The following CTNNA2 variants were observed in gnomAD, a reference collection of about 807,000 sequenced individuals.
CTNNA2 encodes the protein catenin alpha-2.
A neutral mutation model predicts 101.0 loss-of-function variants in CTNNA2; 42 were observed. The observed-to-expected ratio is 0.42, with a 90% CI of 0.32 to 0.54. The LOEUF (loss-of-function observed/expected upper bound fraction) is 0.54, where lower values mean the gene tolerates loss of function less well. CTNNA2 is among the 20% of genes least tolerant of loss of function. CTNNA2 has a pLI of 0.14. For synonymous variants in CTNNA2, 450 were observed against 456.4 expected (o/e 0.99, Z 0.18); for missense variants, 871 against 1,223.1 (o/e 0.71, Z 4.29).
intron 7 of CTNNA2, among the ~76,000 whole-genome samples, chr2:80,132,362 A>G (rs1304436259): frequency 2.0e-5 from 3 of 152,116 alleles, no homozygotes; most frequent in African/African-American, 4.8e-5. Context: ...TCTGTTTCAA[A>G]GTTTCTTTCA....
At chr2:79,485,687 G>T (rs78963765) in intron 4 of CTNNA2, among the ~76,000 whole-genome samples, 3,065 of 152,224 alleles carry the variant, frequency 0.02, 104 homozygotes, top group African/African-American at 0.07. Flanking sequence ...TTCATGCCTT[G>T]GTAGGTTGGA....
chr2:79,512,171 C>A (rs1671562557), upstream of CTNNA2, among the ~76,000 whole-genome samples: 1 of 152,106 alleles, frequency 6.6e-6, no homozygotes, highest in African/African-American at 2.4e-5. Flanking sequence ...CACTCCCTGC[C>A]CTAGCTATGT....
At chr2:79,890,976 T>G (rs1558617116) in intron 6 of CTNNA2, among the ~76,000 whole-genome samples, 1 of 149,448 alleles carries the variant, frequency 6.7e-6, no homozygotes, top group South Asian at 2.2e-4. Context: ...TCCCTCCAGA[T>G]ATAGTCACCC....
At chr2:79,671,460 A>C (rs1157909051) in intron 2 of CTNNA2, among the ~76,000 whole-genome samples, 1 of 152,086 alleles carries the variant, frequency 6.6e-6, no homozygotes, top group Non-Finnish European at 1.5e-5. Flanking sequence ...TCTTATCAAT[A>C]AAGCACATAG....
At chr2:79,817,316 C>CTTTTTTT (rs550422225) in intron 3 of CTNNA2, among the ~76,000 whole-genome samples, 1 of 73,846 alleles carries the variant, frequency 1.4e-5, no homozygotes, top group Non-Finnish European at 2.6e-5. Context: ...TTCTCTCTCA[C>CTTTTTTT]TTTTTTTTTT....
intron 7 of CTNNA2, among the ~76,000 whole-genome samples, chr2:80,027,102 G>A (rs925813172): frequency 2.0e-5 from 3 of 152,180 alleles, no homozygotes; most frequent in Non-Finnish European, 1.5e-5. Flanking sequence ...GACAATCAAA[G>A]CACAGTGATG....
chr2:80,232,345 GTTTTTTTTTTTTTTTTT>G (rs61454985), intron 7 of CTNNA2, among the ~76,000 whole-genome samples: 7 of 64,830 alleles, frequency 1.1e-4, no homozygotes, highest in East Asian at 6.8e-4. Flanking sequence ...TTGTTTGTTT[GTTTTTTTTTTTTTTTTT>G]TTTTTTTTTT....
chr2:79,793,477 A>G (rs1675443789), intron 3 of CTNNA2, among the ~76,000 whole-genome samples: 1 of 152,202 alleles, frequency 6.6e-6, no homozygotes, highest in Non-Finnish European at 1.5e-5. Context: ...AAGGAACCTG[A>G]ATCTTTTACT....
At chr2:80,259,374 C>G (rs1188050074) in intron 7 of CTNNA2, among the ~76,000 whole-genome samples, 1 of 152,156 alleles carries the variant, frequency 6.6e-6, no homozygotes, top group African/African-American at 2.4e-5. Context: ...ATCTGCAAGG[C>G]CAAACCTCCT....
At chr2:79,229,835 C>A (rs1405819755) in intron 2 of CTNNA2, among the ~76,000 whole-genome samples, 3 of 152,166 alleles carry the variant, frequency 2.0e-5, no homozygotes, top group Non-Finnish European at 2.9e-5. Context: ...AAATGAGGAA[C>A]TTGTTGGGAA....
chr2:80,599,881 G>A (rs11887328), intron 15 of CTNNA2, among the ~76,000 whole-genome samples: 1,749 of 150,588 alleles, frequency 0.012, 33 homozygotes, highest in African/African-American at 0.039. Flanking sequence ...CCATTAACTC[G>A]TCATTTAGCA....
At chr2:80,457,042 A>G (rs1684038349) in intron 9 of CTNNA2, among the ~76,000 whole-genome samples, 1 of 152,094 alleles carries the variant, frequency 6.6e-6, no homozygotes, top group Non-Finnish European at 1.5e-5. Context: ...TGATATGCCC[A>G]TTGCCCTGAT....
At position 79,725,312 on chromosome 2, in the gene CTNNA2, C is replaced by T. The variant is rs1295766641; in HGVS notation, c.103-19075C>T. On this transcript the variant is annotated intron_variant, in intron 2 of 18. Coordinates refer to ENST00000402739, the MANE Select transcript of CTNNA2 (RefSeq NM_001282597.3). ...CTACAAACCCTGGCTGCGCTACTGA[C>T]TTCTATGTGACTTTAAGCAAGAATT... Among the ~76,000 whole-genome samples, 4 of 152,312 alleles carry T rather than the reference C, an allele frequency of 2.6e-5. No homozygotes were observed. The East Asian group carries it at 7.7e-4, about 29-fold the overall frequency.
chr2:79,873,236 G>C (rs1481314102), intron 5 of CTNNA2, among the ~76,000 whole-genome samples: 1 of 151,998 alleles, frequency 6.6e-6, no homozygotes, highest in African/African-American at 2.4e-5. Context: ...CAGGTTTTCT[G>C]TCTGTTCATA....
chr2:80,150,978 G>T (rs150625633), intron 7 of CTNNA2, among the ~76,000 whole-genome samples: 1 of 152,190 alleles, frequency 6.6e-6, no homozygotes, highest in Non-Finnish European at 1.5e-5. Context: ...TGAAAGCTCA[G>T]CCTGTTGCCC....
At chr2:80,581,054 T>A in intron 13 of CTNNA2, among the ~76,000 whole-genome samples, 1 of 152,222 alleles carries the variant, frequency 6.6e-6, no homozygotes. Flanking sequence ...GACAAACATT[T>A]AAAAAATACC....
chr2:79,376,995 A>G (rs961098986), intron 4 of CTNNA2, among the ~76,000 whole-genome samples: 3 of 151,908 alleles, frequency 2.0e-5, no homozygotes, highest in Admixed American at 2.0e-4. Flanking sequence ...CTTTGGGTAT[A>G]TACCCAGTAA....
chr2:80,033,165 AAC>A (rs1695414337), intron 7 of CTNNA2, among the ~76,000 whole-genome samples: 3 of 151,342 alleles, frequency 2.0e-5, no homozygotes, highest in African/African-American at 7.3e-5. Context: ...AAAAAAAAAA[AAC>A]AAACACACAA....
chr2:80,547,690 C>CT (rs61186189), intron 11 of CTNNA2, among the ~76,000 whole-genome samples: 1,396 of 124,348 alleles, frequency 0.011, 18 homozygotes, highest in Middle Eastern at 0.013. Flanking sequence ...GTCACTTCTG[C>CT]TTTTTTTTTT....
Sources: allele counts gnomAD v4.1 joint callset (sites outside exome capture counted in the v4.1 genomes callset), GRCh38; gene constraint gnomAD v4.1.1; transcripts MANE v1.5; gene names NCBI Gene and HGNC (gene_info 2026-07-23, HGNC 2026-07-21).